The following RPRD2 variants were observed in gnomAD, a reference collection of about 807,000 sequenced individuals.
The protein encoded by RPRD2 is regulation of nuclear pre-mRNA domain containing 2.
RPRD2 carries 12 observed loss-of-function variants against 104.4 expected under a neutral mutation model. The ratio of observed to expected loss-of-function variants is 0.11; its 90% CI spans 0.07 to 0.19. RPRD2 has a LOEUF of 0.19. Ranked by LOEUF, RPRD2 falls within the 10% of genes least tolerant of loss-of-function variation. The pLI is 1.00. For missense variants in RPRD2, 1,543 were observed against 1,790.1 expected, an observed-to-expected ratio of 0.86 and a Z score of 2.49; for synonymous variants, 714 against 684.9, an observed-to-expected ratio of 1.04 and a Z score of -0.66.
At chr1:150,427,412 G>T (rs968897797) in intron 2 of RPRD2, among the ~76,000 whole-genome samples, 1 of 151,368 alleles carries the variant, frequency 6.6e-6, no homozygotes, top group Non-Finnish European at 1.5e-5. Context: ...GGCAGAGATT[G>T]CAGTGAGCCG....
intron 8 of RPRD2, 21 bp from the exon 9 acceptor site, chr1:150,460,037 ATC>A (rs782051848): frequency 6.2e-7 from 1 of 1,610,210 alleles, no homozygotes; most frequent in Admixed American, 1.7e-5. Context: ...AGGATGTAAT[ATC>A]TCTTTTCTTT....
intron 8 of RPRD2, among the ~76,000 whole-genome samples, chr1:150,457,794 T>C (rs1168668690): frequency 6.6e-6 from 1 of 152,082 alleles, no homozygotes; most frequent in Non-Finnish European, 1.5e-5. Context: ...TACTAGGCCA[T>C]GGGCGGTGGC....
intron 9 of RPRD2, among the ~76,000 whole-genome samples, chr1:150,462,315 C>T (rs1477225054): frequency 1.3e-5 from 2 of 151,598 alleles, no homozygotes; most frequent in East Asian, 2.0e-4. Context: ...TGTGGTGGCA[C>T]GTACCTGTAA....
Position 150,472,716 on chromosome 1 carries a change from CCCT to C in RPRD2, c.3775_3777del (p.Pro1259del), listed in dbSNP as rs768413735. ...CAGCCCTGGCCCATGCTGCCCCACC[CCCT>C]CCTCCTGGAGAGCACAGTGGAATTC... On this transcript the variant is annotated inframe_deletion, in exon 11 of 11. Coordinates refer to ENST00000369068, the MANE Select transcript of RPRD2 (RefSeq NM_015203.5). 6 of 1,613,578 alleles carry C rather than the reference CCCT, an allele frequency of 3.7e-6. No homozygotes were observed. Among genetic ancestry groups the C allele is most frequent in the African/African-American group, 2.7e-5 (2 of 74,916 alleles).
chr1:150,364,989 G>A (rs587738488), intron 1 of RPRD2, 70 bp downstream of exon 1: 76 of 1,511,470 alleles, frequency 5.0e-5, no homozygotes, highest in Middle Eastern at 3.7e-4. Flanking sequence ...GAAACGCTTG[G>A]GGTTTTCCCA....
chr1:150,442,579 T>G lies in RPRD2; in HGVS notation c.514+621T>G, dbSNP rs916664006. 2.0e-5 allele frequency among the ~76,000 whole-genome samples: 3 copies of G among 152,026 alleles called. No homozygotes were observed. The East Asian group carries it at 5.8e-4, about 29-fold the overall frequency. On this transcript the variant is annotated intron_variant, in intron 4 of 10. Transcript: ENST00000369068. Reference sequence around the variant, plus strand: ...GTGGAGGGAACAAAGTAAAAGACAGTGAGAATTGGGAGGTGAAACGAGATA... The same window carrying G: ...GTGGAGGGAACAAAGTAAAAGACAGGGAGAATTGGGAGGTGAAACGAGATA...
intron 7 of RPRD2, among the ~76,000 whole-genome samples, chr1:150,451,637 T>C (rs1667178734): frequency 1.4e-5 from 2 of 140,824 alleles, no homozygotes; most frequent in Non-Finnish European, 3.0e-5. Context: ...ATCGCGCCAC[T>C]GCACTCCAGC....
rs186283359 is a variant in RPRD2 at position 150,450,817 on chromosome 1, G to A, written c.870+4416G>A. Among the ~76,000 whole-genome samples, 88 of 151,734 alleles carry A rather than the reference G, an allele frequency of 5.8e-4. 2 individuals carry two copies. In the East Asian group the frequency reaches 0.016, roughly 28 times the overall value. ...GTAGAGATGGGGTTTCGCCATATTG[G>A]CCAGACTGGTCTCAAACTCCTGACC... On this transcript the variant is annotated intron_variant, in intron 7 of 10. Transcript: ENST00000369068.
chr1:150,384,748 C>T (rs1661436633), intron 1 of RPRD2, among the ~76,000 whole-genome samples: 1 of 150,888 alleles, frequency 6.6e-6, no homozygotes, highest in African/African-American at 2.4e-5. Flanking sequence ...CCCAGGTGAC[C>T]CACCTGCCTC....
At position 150,470,637 on chromosome 1, in the gene RPRD2, C is replaced by A; in HGVS notation, c.1689C>A (p.Ala563=). 1 of 1,613,980 alleles carries A rather than the reference C, an allele frequency of 6.2e-7. No individual in the cohort carries two copies. Among genetic ancestry groups the A allele is most frequent in the Non-Finnish European group, 8.5e-7 (1 of 1,179,878 alleles). ...AAGCTGCCTCACAGAGCACTTCAGC[C>A]TCCCCTGCCAACACCACAGTCTCTA... The part of the protein sequence containing the change: ...ASEAASQSTS[A]SPANTTVSTI... Residue 563 remains alanine (A), a synonymous_variant, in exon 11 of 11, where the codon GCC becomes GCA. Transcript: ENST00000369068.
intron 1 of RPRD2, among the ~76,000 whole-genome samples, chr1:150,383,894 A>G (rs1029267789): frequency 1.3e-5 from 2 of 152,306 alleles, no homozygotes; most frequent in East Asian, 3.9e-4. Context: ...GTGATAAGAT[A>G]TGGAGAAAAT....
At chr1:150,469,220 G>A (rs1668462513) in intron 10 of RPRD2, among the ~76,000 whole-genome samples, 1 of 152,140 alleles carries the variant, frequency 6.6e-6, no homozygotes, top group Non-Finnish European at 1.5e-5. Context: ...AACAATGTTA[G>A]TGTATTCAGT....
Position 150,474,889 on chromosome 1 carries a change from G to T in RPRD2, c.*1555G>T, listed in dbSNP as rs1668811829. 1 of 152,138 alleles carries T rather than the reference G, an allele frequency of 6.6e-6. No homozygotes were observed. Among genetic ancestry groups the T allele is most frequent in the African/African-American group, 2.4e-5 (1 of 41,418 alleles). 9.4% of individuals were successfully genotyped at this position (152,138 alleles called of 1,614,324 possible). On this transcript the variant is annotated 3_prime_UTR_variant, in exon 11 of 11. Coordinates refer to ENST00000369068, the MANE Select transcript of RPRD2 (RefSeq NM_015203.5). ...AGTAGAATATTAAAGATGGGGGAGG[G>T]TGGGCAATGTAGTGACAGAAAATGA... is the stretch of plus-strand genomic sequence containing the variant.
At chr1:150,429,272 A>G (rs1167849228) in intron 2 of RPRD2, among the ~76,000 whole-genome samples, 3 of 152,082 alleles carry the variant, frequency 2.0e-5, no homozygotes, top group African/African-American at 7.2e-5. Flanking sequence ...TTGTATTTTT[A>G]GTAGAGACGG....
chr1:150,398,227 C>T (rs1314187096), intron 1 of RPRD2, among the ~76,000 whole-genome samples: 4 of 130,686 alleles, frequency 3.1e-5, no homozygotes, highest in South Asian at 2.3e-4. Context: ...GACGGAGTCT[C>T]GCTCTATTGC....
At chr1:150,394,208 G>A (rs1662313237) in intron 1 of RPRD2, among the ~76,000 whole-genome samples, 1 of 151,864 alleles carries the variant, frequency 6.6e-6, no homozygotes, top group African/African-American at 2.4e-5. Flanking sequence ...GCACCACCAC[G>A]CCTGGCTAAT....
chr1:150,408,484 A>G (rs988227359), intron 1 of RPRD2, among the ~76,000 whole-genome samples: 2 of 152,170 alleles, frequency 1.3e-5, no homozygotes, highest in African/African-American at 4.8e-5. Context: ...GTATTTACAT[A>G]ATTTACATAA....
intron 5 of RPRD2, among the ~76,000 whole-genome samples, chr1:150,443,848 TA>T (rs5777727): frequency 0.25 from 35,913 of 145,020 alleles, 4,889 homozygotes; most frequent in African/African-American, 0.37. Context: ...TACTAAAAAT[TA>T]AAAAAAAAAA....
At chr1:150,386,015 G>A (rs1465011116) in intron 1 of RPRD2, among the ~76,000 whole-genome samples, 1 of 152,132 alleles carries the variant, frequency 6.6e-6, no homozygotes, top group Non-Finnish European at 1.5e-5. Context: ...GAAAGTGAGA[G>A]GGGTGTGGTG....
Sources: allele counts gnomAD v4.1 joint callset (sites outside exome capture counted in the v4.1 genomes callset), GRCh38; gene constraint gnomAD v4.1.1; transcripts MANE v1.5; gene names NCBI Gene and HGNC (gene_info 2026-07-23, HGNC 2026-07-21).